MDGA2: variants seen among roughly 807,000 people sequenced by gnomAD.
MDGA2 encodes MAM domain containing glycosylphosphatidylinositol anchor 2, also known as MAM domain-containing glycosylphosphatidylinositol anchor protein 2.
In MDGA2, 40 loss-of-function variants were observed where a neutral mutation model predicts 117.8. The observed-to-expected ratio is 0.34, with a 90% CI of 0.26 to 0.44. The LOEUF (loss-of-function observed/expected upper bound fraction) is 0.44. Among genes scored for constraint, MDGA2 ranks in the 20% least tolerant of loss-of-function variants. MDGA2 has a pLI of 1.00. For missense variants in MDGA2, 1,123 were observed against 1,250.6 expected (o/e 0.90, Z 1.54); for synonymous variants, 452 against 439.0 (o/e 1.03, Z -0.37).
chr14:47,294,556 GA>G (rs140703878), intron 2 of MDGA2, among the ~76,000 whole-genome samples: 13,830 of 151,390 alleles, frequency 0.091, 766 homozygotes, highest in Non-Finnish European at 0.11. Flanking sequence ...TATCACAGAC[GA>G]AAAAAAGCAA....
At chr14:47,514,223 T>A (rs1186939125) in intron 1 of MDGA2, among the ~76,000 whole-genome samples, 2 of 151,878 alleles carry the variant, frequency 1.3e-5, no homozygotes, top group African/African-American at 2.4e-5. Context: ...CTTGGCATAT[T>A]TTTTTTTCTC....
chr14:47,243,228 A>T (rs896197461), intron 2 of MDGA2, among the ~76,000 whole-genome samples: 3 of 151,062 alleles, frequency 2.0e-5, no homozygotes, highest in Non-Finnish European at 4.4e-5. Flanking sequence ...TCTAAACTCT[A>T]TCTAACTAAT....
chr14:47,089,483 C>A (rs1177198088), intron 6 of MDGA2, among the ~76,000 whole-genome samples: 2 of 152,130 alleles, frequency 1.3e-5, no homozygotes, highest in African/African-American at 4.8e-5. Context: ...TCAAGCAATT[C>A]TCCTGCCTCA....
intron 8 of MDGA2, among the ~76,000 whole-genome samples, chr14:47,017,049 T>C (rs1419678967): frequency 1.3e-5 from 2 of 152,052 alleles, no homozygotes; most frequent in African/African-American, 4.8e-5. Flanking sequence ...AAGTATATGA[T>C]ATTGCATATC....
chr14:47,561,175 G>GTTTTTTTTTTTTTTTTTTT (rs150826944), intron 1 of MDGA2, among the ~76,000 whole-genome samples: 4 of 69,364 alleles, frequency 5.8e-5, no homozygotes, highest in South Asian at 7.0e-4. Flanking sequence ...TTTTTTGTTT[G>GTTTTTTTTTTTTTTTTTTT]TTTGTTTTTT....
intron 5 of MDGA2, among the ~76,000 whole-genome samples, chr14:47,117,796 A>T (rs1227423377): frequency 2.6e-5 from 4 of 152,186 alleles, no homozygotes; most frequent in Non-Finnish European, 5.9e-5. Context: ...ATAAAGTTTA[A>T]GTCAAGCAAG....
At position 47,342,091 on chromosome 14, in the gene MDGA2, T is replaced by C. The variant is rs942872846; in HGVS notation, c.281-40541A>G. 9.9e-5 allele frequency among the ~76,000 whole-genome samples: 15 copies of C among 151,934 alleles called. No homozygotes were observed. In the South Asian group the frequency reaches 2.9e-3, roughly 29 times the overall value. On this transcript the variant is annotated intron_variant, in intron 1 of 16. Transcript: ENST00000399232. ...TTCTCAAACTCCTGACCTCAAGGGA[T>C]CCGCCTGCCTCATCCTCCCAAAGTG...
At chr14:47,592,825 G>C (rs1438300508) in intron 1 of MDGA2, among the ~76,000 whole-genome samples, 1 of 152,132 alleles carries the variant, frequency 6.6e-6, no homozygotes, top group Non-Finnish European at 1.5e-5. Context: ...ACATAGGCAT[G>C]GGCAAAGATT....
chr14:47,120,564 A>G (rs954137406), intron 5 of MDGA2, among the ~76,000 whole-genome samples: 1 of 152,180 alleles, frequency 6.6e-6, no homozygotes, highest in Admixed American at 6.5e-5. Flanking sequence ...GTTGTTATCA[A>G]GAAAAAAATA....
intron 3 of MDGA2, among the ~76,000 whole-genome samples, chr14:47,178,698 G>A (rs185359745): frequency 1.3e-5 from 2 of 152,240 alleles, no homozygotes; most frequent in East Asian, 1.9e-4. Context: ...ATCTTGTGTC[G>A]TGGTGCTATG....
chr14:47,405,449 C>A lies in MDGA2; in HGVS notation c.281-103899G>T, dbSNP rs140470122. ...ATATCTGAGAATTAATCATTCATTT[C>A]TCTTTCTCAACATATCTTTTATGTT... On this transcript the variant is annotated intron_variant, in intron 1 of 16. Coordinates refer to ENST00000399232, the MANE Select transcript of MDGA2 (RefSeq NM_001113498.3). Among the ~76,000 whole-genome samples the A allele has an allele frequency of 5.1e-3, 773 of 152,228 alleles. 3 individuals carry two copies. The highest frequency in any genetic ancestry group is 0.017 in the African/African-American group (717 of 41,550).
chr14:47,447,546 C>A (rs1355796985), intron 1 of MDGA2, among the ~76,000 whole-genome samples: 3 of 152,138 alleles, frequency 2.0e-5, no homozygotes, highest in African/African-American at 7.2e-5. Flanking sequence ...CAGCAATAAA[C>A]TTCTCTAGCT....
intron 1 of MDGA2, among the ~76,000 whole-genome samples, chr14:47,580,394 C>G (rs571276600): frequency 1.3e-5 from 2 of 152,012 alleles, no homozygotes; most frequent in Admixed American, 1.3e-4. Context: ...ATGATCTAAT[C>G]TCCTCCTAAT....
chr14:47,621,874 A>G (rs1897056137), intron 1 of MDGA2, among the ~76,000 whole-genome samples: 1 of 152,224 alleles, frequency 6.6e-6, no homozygotes, highest in Admixed American at 6.5e-5. Flanking sequence ...TGTTCTAAAC[A>G]ACTGAAATTC....
intron 9 of MDGA2, among the ~76,000 whole-genome samples, chr14:46,947,884 G>T (rs994447606): frequency 6.7e-6 from 1 of 149,536 alleles, no homozygotes; most frequent in African/African-American, 2.5e-5. Flanking sequence ...TTTTATTTCT[G>T]CATTTGGTCT....
chr14:47,372,881 C>T (rs1469564111), intron 1 of MDGA2, among the ~76,000 whole-genome samples: 1 of 151,840 alleles, frequency 6.6e-6, no homozygotes. Context: ...TTATGGAATG[C>T]TGTGTCACTA....
At chr14:46,948,253 C>T (rs976278539) in intron 9 of MDGA2, among the ~76,000 whole-genome samples, 1 of 151,944 alleles carries the variant, frequency 6.6e-6, no homozygotes, top group African/African-American at 2.4e-5. Context: ...TTCCATTTGT[C>T]TTCTTGCTTT....
At chr14:47,631,785 T>C (rs1290836608) in intron 1 of MDGA2, among the ~76,000 whole-genome samples, 3 of 152,144 alleles carry the variant, frequency 2.0e-5, no homozygotes, top group Non-Finnish European at 2.9e-5. Flanking sequence ...CTTGCACACA[T>C]TGATGCAAGA....
intron 1 of MDGA2, among the ~76,000 whole-genome samples, chr14:47,637,740 G>T (rs1323583733): frequency 6.6e-6 from 1 of 152,214 alleles, no homozygotes; most frequent in South Asian, 2.1e-4. Context: ...GTGCAAGTTA[G>T]TTTTTAGATA....
Sources: allele counts gnomAD v4.1 joint callset (sites outside exome capture counted in the v4.1 genomes callset), GRCh38; gene constraint gnomAD v4.1.1; transcripts MANE v1.5; gene names NCBI Gene and HGNC (gene_info 2026-07-23, HGNC 2026-07-21).